Variants in ADAMTSL1 observed in about 807,000 individuals in gnomAD.
The protein encoded by ADAMTSL1 is ADAMTS-like protein 1.
Under a neutral mutation model 201.8 loss-of-function variants are expected in ADAMTSL1, and 126 were observed. That is an observed-to-expected ratio of 0.62 (90% confidence interval 0.54 to 0.72). The LOEUF (loss-of-function observed/expected upper bound fraction) is 0.72, where lower values mean the gene tolerates loss of function less well. ADAMTSL1 is among the 30% of genes least tolerant of loss of function. The pLI is 0.00. For synonymous variants in ADAMTSL1, 1,121 were observed against 903.4 expected (o/e 1.24, Z -4.32); for missense variants, 2,679 against 2,277.8 (o/e 1.18, Z -3.59).
At chr9:18,029,458 A>C (rs1350513970) in intron 1 of ADAMTSL1, among the ~76,000 whole-genome samples, 1 of 152,192 alleles carries the variant, frequency 6.6e-6, no homozygotes, top group Non-Finnish European at 1.5e-5. Flanking sequence ...AAGAAAACCT[A>C]GGCAATACCA....
intron 1 of ADAMTSL1, among the ~76,000 whole-genome samples, chr9:18,489,100 G>A (rs543189975): frequency 1.4e-3 from 218 of 152,264 alleles, no homozygotes; most frequent in African/African-American, 5.1e-3. Context: ...TTGGTCTGGG[G>A]AGAGACCCAG....
At chr9:17,985,933 A>G (rs1176835108) in intron 1 of ADAMTSL1, among the ~76,000 whole-genome samples, 1 of 152,058 alleles carries the variant, frequency 6.6e-6, no homozygotes, top group Non-Finnish European at 1.5e-5. Flanking sequence ...CTGGCCCAGG[A>G]CTCTTGTTCC....
At chr9:17,940,479 G>C (rs568061272) in intron 1 of ADAMTSL1, among the ~76,000 whole-genome samples, 8 of 152,136 alleles carry the variant, frequency 5.3e-5, no homozygotes, top group African/African-American at 1.9e-4. Flanking sequence ...GCAGTACAAT[G>C]TACTGAGATA....
chr9:18,677,136 A>G (rs1377756212), intron 10 of ADAMTSL1, among the ~76,000 whole-genome samples: 1 of 151,852 alleles, frequency 6.6e-6, no homozygotes, highest in East Asian at 1.9e-4. Context: ...CAGGGAACTC[A>G]TTTTTCACCT....
rs536920210 is a variant in ADAMTSL1 at position 18,139,318 on chromosome 9, A to T, written c.88-24544A>T. On this transcript the variant is annotated intron_variant, in intron 1 of 29. Transcript: ENST00000680146. Reference sequence around the variant, plus strand: ...GGGCACATGGCAGCATATTTACCTGATTCTACAAGGTCTCCTACACCTTGA... The same window carrying T: ...GGGCACATGGCAGCATATTTACCTGTTTCTACAAGGTCTCCTACACCTTGA... 2.0e-5 allele frequency among the ~76,000 whole-genome samples: 3 copies of T among 152,266 alleles called. No homozygotes were observed. The East Asian group carries it at 5.8e-4, about 29-fold the overall frequency.
chr9:18,498,707 A>G (rs1587381964), intron 1 of ADAMTSL1, among the ~76,000 whole-genome samples: 1 of 152,216 alleles, frequency 6.6e-6, no homozygotes, highest in East Asian at 1.9e-4. Flanking sequence ...TTACCAGTAT[A>G]TGACTAGGAA....
chr9:18,673,136 A>G (rs1241662943), intron 9 of ADAMTSL1, among the ~76,000 whole-genome samples: 1 of 152,136 alleles, frequency 6.6e-6, no homozygotes, highest in Non-Finnish European at 1.5e-5. Flanking sequence ...GCGTGCATAC[A>G]TGTACACACA....
intron 1 of ADAMTSL1, among the ~76,000 whole-genome samples, chr9:18,034,447 A>G (rs1341264060): frequency 6.6e-6 from 1 of 152,066 alleles, no homozygotes; most frequent in African/African-American, 2.4e-5. Flanking sequence ...GCATATTTCT[A>G]TCTCCTAGAA....
At chr9:18,509,368 C>G (rs924612489) in intron 2 of ADAMTSL1, among the ~76,000 whole-genome samples, 1 of 152,136 alleles carries the variant, frequency 6.6e-6, no homozygotes, top group Non-Finnish European at 1.5e-5. Flanking sequence ...AGTTTACTCC[C>G]CTTACTTCCT....
intron 3 of ADAMTSL1, among the ~76,000 whole-genome samples, chr9:18,558,491 C>T (rs1055867145): frequency 1.3e-5 from 2 of 152,030 alleles, no homozygotes; most frequent in Admixed American, 6.6e-5. Context: ...TGTCTTTATA[C>T]TAGAATTATT....
intron 2 of ADAMTSL1, among the ~76,000 whole-genome samples, chr9:18,172,837 G>A (rs1563784117): frequency 6.6e-6 from 1 of 151,982 alleles, no homozygotes. Flanking sequence ...TCAGGGGGAA[G>A]GGATACCATT....
At chr9:18,075,672 C>G (rs757063551) in intron 1 of ADAMTSL1, among the ~76,000 whole-genome samples, 1 of 152,146 alleles carries the variant, frequency 6.6e-6, no homozygotes, top group Non-Finnish European at 1.5e-5. Flanking sequence ...TAGCCAACAT[C>G]GGAAAATGGA....
rs554110222 is a variant in ADAMTSL1, at chr9:18,408,570, C to T, written c.208-96259C>T. 7.2e-5 allele frequency among the ~76,000 whole-genome samples: 11 copies of T among 152,284 alleles called. No homozygotes were observed. In the East Asian group the frequency reaches 7.7e-4, roughly 11 times the overall value. ...TGATACCATATAGAAAAAACAAGTG[C>T]GTTCCCTGCTCTTCTAGAGCTTGCA... On this transcript the variant is annotated intron_variant, in intron 2 of 29. Coordinates refer to the ADAMTSL1 transcript ENST00000680146.
intron 16 of ADAMTSL1, among the ~76,000 whole-genome samples, chr9:18,766,569 G>A (rs1225313883): frequency 6.6e-6 from 1 of 152,154 alleles, no homozygotes; most frequent in Non-Finnish European, 1.5e-5. Context: ...AGACTGAGTA[G>A]CTTATCAATG....
At chr9:18,537,990 A>AGG (rs1480912133) in intron 3 of ADAMTSL1, among the ~76,000 whole-genome samples, 7 of 149,034 alleles carry the variant, frequency 4.7e-5, no homozygotes, top group South Asian at 2.1e-4. Context: ...GAGGAAGAGG[A>AGG]AGAAGAAGAA....
At chr9:18,591,344 C>CT (rs1004723181) in intron 4 of ADAMTSL1, among the ~76,000 whole-genome samples, 1 of 152,124 alleles carries the variant, frequency 6.6e-6, no homozygotes, top group Non-Finnish European at 1.5e-5. Context: ...TACTTCTGCT[C>CT]TTTTTTGGTT....
At chr9:18,363,885 AC>A (rs1836641265) in intron 2 of ADAMTSL1, among the ~76,000 whole-genome samples, 1 of 151,964 alleles carries the variant, frequency 6.6e-6, no homozygotes, top group Admixed American at 6.6e-5. Flanking sequence ...CCTCCTAGAA[AC>A]CCTTGATAGA....
chr9:18,834,235 T>C (rs1563840993), intron 23 of ADAMTSL1, among the ~76,000 whole-genome samples: 1 of 152,202 alleles, frequency 6.6e-6, no homozygotes, highest in Non-Finnish European at 1.5e-5. Flanking sequence ...ATGTCGTTGA[T>C]AGTTTAATAG....
chr9:18,131,455 G>A lies in ADAMTSL1; in HGVS notation c.88-32407G>A, dbSNP rs10756939. Among the ~76,000 whole-genome samples the A allele has an allele frequency of 8.6e-5, 13 of 151,998 alleles. 1 individual carries two copies. In the East Asian group the frequency reaches 2.5e-3, roughly 30 times the overall value. Reference sequence around the variant, plus strand: ...AGAGGTGCCATCACTGTTTGGGAAGGTTTCTTAGAGATGATTAGTCTCGTA... The same window carrying A: ...AGAGGTGCCATCACTGTTTGGGAAGATTTCTTAGAGATGATTAGTCTCGTA... On this transcript the variant is annotated intron_variant, in intron 1 of 29. Transcript: ENST00000680146.
Sources: gnomAD v4.1 joint callset for allele counts (sites outside exome capture counted in the v4.1 genomes callset) on GRCh38, gnomAD v4.1.1 for gene constraint, MANE v1.5 for transcripts, NCBI Gene and HGNC (gene_info 2026-07-23, HGNC 2026-07-21) for gene names.